The following PROKR2 variants were observed in gnomAD, a reference collection of about 807,000 sequenced individuals.
PROKR2 encodes prokineticin receptor 2.
A neutral mutation model predicts 23.4 loss-of-function variants in PROKR2; 26 were observed. That is an observed-to-expected ratio of 1.11 (90% CI 0.81 to 1.54). The LOEUF is 1.54. PROKR2 is among the 40% of genes most tolerant of loss of function. The probability of loss-of-function intolerance (pLI) is 0.00; values close to 1 mark genes in which losing one functional copy is unlikely to be tolerated. For synonymous variants in PROKR2, 212 were observed against 201.2 expected, an observed-to-expected ratio of 1.05 and a Z score of -0.45; for missense variants, 453 against 511.5, an observed-to-expected ratio of 0.89 and a Z score of 1.10.
chr20:5,312,223 C>T (rs966388579), intron 2 of PROKR2, among the ~76,000 whole-genome samples: 21 of 152,340 alleles, frequency 1.4e-4, no homozygotes, highest in African/African-American at 4.8e-4. Flanking sequence ...TCTCCTGCCT[C>T]AGCCTCCCAA....
rs144670277 is a variant in PROKR2 at position 5,316,471 on chromosome 20, A to G, written c.-9+23T>C. ...CCCACCGCACCGACTGAGTCCCGGG[A>G]CTGCAGGGATCTAAGCCCTTACCTG... On this transcript the variant is annotated intron_variant, in intron 1 of 2. Transcript: ENST00000678254. This position sits in a 1 kb window ranked among gnomAD's most constrained non-coding sequence, Gnocchi z 5.0. 9.5e-4 allele frequency: 413 copies of G among 435,408 alleles called. 1 individual carries two copies. Among genetic ancestry groups the G allele is most frequent in the African/African-American group, 7.9e-3 (390 of 49,616 alleles). The allele number at this position is 435,408 out of a possible 1,614,324, so 27.0% of individuals were successfully genotyped here. A position where few individuals can be genotyped will look rare whatever the true frequency, so the allele number is the denominator to read the frequency against.
At position 5,316,220 on chromosome 20, in the gene PROKR2, C is replaced by G. The variant is rs892459803; in HGVS notation, c.-9+274G>C. 1 of 456,608 alleles carries G rather than the reference C, an allele frequency of 2.2e-6. No individual in the cohort carries two copies. Among genetic ancestry groups the G allele is most frequent in the Non-Finnish European group, 4.4e-6 (1 of 226,948 alleles). 28.3% of individuals were successfully genotyped at this position (456,608 alleles called of 1,614,324 possible). On this transcript the variant is annotated intron_variant, in intron 1 of 2. Transcript: ENST00000678254. This position sits in a 1 kb window ranked among gnomAD's most constrained non-coding sequence, Gnocchi z 5.0. ...GCACCCTCCCCTGCAATTTGGAGCT[C>G]GTCCGCGAGCTCAGCTACCCGCTGG... is the stretch of plus-strand genomic sequence containing the variant.
intron 2 of PROKR2, among the ~76,000 whole-genome samples, chr20:5,307,549 T>C (rs1979264972): frequency 6.6e-6 from 1 of 152,244 alleles, no homozygotes; most frequent in Non-Finnish European, 1.5e-5. Flanking sequence ...AAGATTGCAT[T>C]GCAGAACGGG....
At chr20:5,303,431 A>G (rs1275375058) in intron 2 of PROKR2, among the ~76,000 whole-genome samples, 2 of 152,182 alleles carry the variant, frequency 1.3e-5, no homozygotes, top group Non-Finnish European at 2.9e-5. Context: ...CCAAGCTCAC[A>G]TCATGCAGGG....
In PROKR2 at chr20:5,316,761, C is replaced by T. The variant is rs545402116; in HGVS notation, c.-276G>A. Among the ~76,000 whole-genome samples the T allele has an allele frequency of 2.7e-4, 41 of 152,338 alleles. No individual in the cohort carries two copies. Among genetic ancestry groups the T allele is most frequent in the African/African-American group, 8.9e-4 (37 of 41,588 alleles). The stretch of plus-strand genomic sequence containing the variant: ...TCGGACCTGTGCGCCCCGCCCCGCG[C>T]TGGACTCCGCCCCGGGGTCCCCGCC... On this transcript the variant is annotated 5_prime_UTR_variant, in exon 1 of 3. Coordinates refer to ENST00000678254, the MANE Select transcript of PROKR2 (RefSeq NM_144773.4). This position sits in a 1 kb window ranked among gnomAD's most constrained non-coding sequence, Gnocchi z 5.0.
In PROKR2 at chr20:5,310,908, G is replaced by A. The variant is rs146850275; in HGVS notation, c.458+3004C>T. Among the ~76,000 whole-genome samples, 261 of 152,316 alleles carry A rather than the reference G, an allele frequency of 1.7e-3. 2 individuals are homozygous for A. The highest frequency in any genetic ancestry group is 7.7e-3 in the Admixed American group (118 of 15,300). ...ATCGTTATTGTGCTTAAAACACATT[G>A]TCTTCTGGAAAATACTATCAGTATC... On this transcript the variant is annotated intron_variant, in intron 2 of 2. Transcript: ENST00000678254.
In PROKR2 at chr20:5,302,469, G is replaced by C. The variant is rs1303201731; in HGVS notation, c.726C>G (p.Cys242Trp). 6.2e-7 allele frequency: 1 copy of C among 1,614,104 alleles called. No homozygotes were observed. Among genetic ancestry groups the C allele is most frequent in the African/African-American group, 1.3e-5 (1 of 74,938 alleles). The change falls in exon 3 of 3, where the codon TGC becomes TGG. Residue 242 changes from cysteine to tryptophan, a missense_variant. Cys to Trp is a radical substitution (Grantham distance 215, BLOSUM62 -2). Coordinates refer to ENST00000678254, the MANE Select transcript of PROKR2 (RefSeq NM_144773.4). ...FVGPVVTMTL[C>W]YARISRELWF... ...AGAGCTCCCGGGAGATCCTGGCATA[G>C]CACAGGGTCATGGTGACCACAGGGC...
chr20:5,311,772 C>G (rs1185104129), intron 2 of PROKR2, among the ~76,000 whole-genome samples: 4 of 152,196 alleles, frequency 2.6e-5, no homozygotes, highest in Admixed American at 2.6e-4. Context: ...ACTGACCTAG[C>G]CTCCCAGGCT....
intron 2 of PROKR2, among the ~76,000 whole-genome samples, chr20:5,312,433 T>C (rs1040922454): frequency 3.9e-5 from 6 of 152,332 alleles, no homozygotes; most frequent in Non-Finnish European, 5.9e-5. Flanking sequence ...CATCAAATGA[T>C]ACTTTGCACC....
chr20:5,303,841 C>T (rs1296657231), intron 2 of PROKR2, among the ~76,000 whole-genome samples: 4 of 152,114 alleles, frequency 2.6e-5, no homozygotes, highest in Non-Finnish European at 5.9e-5. Flanking sequence ...CAGGATGCCG[C>T]CTGCTGGTAA....
chr20:5,314,260 A>G lies in PROKR2; in HGVS notation c.110T>C (p.Met37Thr), dbSNP rs758358943. 6.2e-7 allele frequency: 1 copy of G among 1,614,016 alleles called. No individual in the cohort carries two copies. The highest frequency in any genetic ancestry group is 8.5e-7 in the Non-Finnish European group (1 of 1,180,014). The change falls in exon 2 of 3, where the codon ATG (methionine) becomes ACG (threonine). Residue 37 changes from methionine (M) to threonine (T), a missense_variant. Coordinates refer to ENST00000678254, the MANE Select transcript of PROKR2 (RefSeq NM_144773.4). ...CTTGGTCATGTCCTCATCCTCATCC[A>G]TAGGGAGGTCATAATCACCATAACT... ...NFSYGDYDLP[M>T]DEDEDMTKTR...
rs1352450643 is a variant in PROKR2 at position 5,301,841 on chromosome 20, G to A, written c.*199C>T. On this transcript the variant is annotated 3_prime_UTR_variant, in exon 3 of 3. Transcript: ENST00000678254. Reference sequence around the variant, plus strand: ...GGATTGTGGACACAGTAGGTGTCGAGCGGATATCAGTAAATGTCAGCTGAT... The same window carrying A: ...GGATTGTGGACACAGTAGGTGTCGAACGGATATCAGTAAATGTCAGCTGAT... 6.6e-6 allele frequency among the ~76,000 whole-genome samples: 1 copy of A among 152,208 alleles called. No homozygotes were observed. Among genetic ancestry groups the A allele is most frequent in the Non-Finnish European group, 1.5e-5 (1 of 68,030 alleles).
rs139399061 is a variant in PROKR2 at position 5,302,306 on chromosome 20, C to A, written c.889G>T (p.Val297Phe). 1.2e-6 allele frequency: 2 copies of A among 1,614,228 alleles called. No homozygotes were observed. Residue 297 changes from valine to phenylalanine, a missense_variant, in exon 3 of 3, where the codon GTT (valine) becomes TTT (phenylalanine). Transcript: ENST00000678254. ...AACACAGTGGGGAAGAAGTCACGAA[C>A]GATGGTGAAACCGTAGAAGGGTGCC... ...CWAPFYGFTI[V>F]RDFFPTVFVK...
At chr20:5,308,199 C>CG (rs1979297085) in intron 2 of PROKR2, among the ~76,000 whole-genome samples, 1 of 103,964 alleles carries the variant, frequency 9.6e-6, no homozygotes, top group Non-Finnish European at 2.0e-5. Context: ...CAGGCCCCCC[C>CG]CCCTCAAAAC....
intron 2 of PROKR2, among the ~76,000 whole-genome samples, chr20:5,310,132 C>T (rs1979379495): frequency 6.6e-6 from 1 of 152,222 alleles, no homozygotes; most frequent in Non-Finnish European, 1.5e-5. Context: ...GGTAAACATA[C>T]ATAAGGGATG....
rs952129881 is a variant in PROKR2, at chr20:5,301,903, T to C, written c.*137A>G. On this transcript the variant is annotated 3_prime_UTR_variant, in exon 3 of 3. Transcript: ENST00000678254. ...CTAGTCTCATTGTATGTTACGACTT[T>C]GCAGCATTCAGCTTCTTGAGGGCAC... The C allele has an allele frequency of 2.8e-6, 2 of 713,920 alleles. No homozygotes were observed. The highest frequency in any genetic ancestry group is 1.8e-5 in the South Asian group (1 of 55,948). 44.2% of individuals were successfully genotyped at this position (713,920 alleles called of 1,614,324 possible).
intron 2 of PROKR2, among the ~76,000 whole-genome samples, chr20:5,310,666 AC>A (rs1475595140): frequency 2.6e-5 from 1 of 38,656 alleles, no homozygotes; most frequent in African/African-American, 1.5e-4. Context: ...ATGACCTCCC[AC>A]CTCTGGAAGA....
rs1221392759 is a variant in PROKR2 at position 5,301,065 on chromosome 20, GC to G, written c.*974del. On this transcript the variant is annotated 3_prime_UTR_variant, in exon 3 of 3. Coordinates refer to ENST00000678254, the MANE Select transcript of PROKR2 (RefSeq NM_144773.4). Reference sequence around the variant, plus strand: ...TCTTGAAGCCAAAATCCTAGAGAATGCCCTGGGAGGCAGTAGGAGGTGGGTG... The same window carrying G: ...TCTTGAAGCCAAAATCCTAGAGAATGCCTGGGAGGCAGTAGGAGGTGGGTG... Among the ~76,000 whole-genome samples the G allele has an allele frequency of 1.3e-5, 2 of 152,088 alleles. No homozygotes were observed. Among genetic ancestry groups the G allele is most frequent in the Non-Finnish European group, 2.9e-5 (2 of 68,014 alleles).
rs934524980 is a variant in PROKR2 at position 5,316,396 on chromosome 20, G to A, written c.-9+98C>T. 1.3e-5 allele frequency: 6 copies of A among 456,402 alleles called. No individual in the cohort carries two copies. The highest frequency in any genetic ancestry group is 2.6e-5 in the Non-Finnish European group (6 of 226,924). The allele number at this position is 456,402 out of a possible 1,614,324, so 28.3% of individuals were successfully genotyped here. A position where few individuals can be genotyped will look rare whatever the true frequency, so the allele number is the denominator to read the frequency against. ...AGAGTGGCGGGAGGCAAAGCAGCCG[G>A]AATGCCCGAGAAAAAAGTGGGCGTC... On this transcript the variant is annotated intron_variant, in intron 1 of 2. Transcript: ENST00000678254. This position sits in a 1 kb window ranked among gnomAD's most constrained non-coding sequence, Gnocchi z 5.0.
Sources: gnomAD v4.1 joint callset for allele counts (sites outside exome capture counted in the v4.1 genomes callset) on GRCh38, gnomAD v4.1.1 for gene constraint, Gnocchi (gnomAD v3.1) non-coding constraint, MANE v1.5 for transcripts, NCBI Gene and HGNC (gene_info 2026-07-23, HGNC 2026-07-21) for gene names.